The following BMP2K variants were observed in gnomAD, a reference collection of about 807,000 sequenced individuals.
BMP2K encodes BMP2 inducible kinase.
A neutral mutation model predicts 116.0 loss-of-function variants in BMP2K; 74 were observed. The ratio of observed to expected loss-of-function variants is 0.64; its 90% CI spans 0.53 to 0.77. BMP2K has a LOEUF of 0.77. Among genes scored for constraint, BMP2K ranks in the 30% least tolerant of loss-of-function variants. The pLI is 0.00. For synonymous variants in BMP2K, 486 were observed against 502.5 expected (o/e 0.97, Z 0.44); for missense variants, 1,365 against 1,403.6 (o/e 0.97, Z 0.44).
At chr4:78,830,520 T>A (rs1041277283) in intron 2 of BMP2K, among the ~76,000 whole-genome samples, 2 of 152,214 alleles carry the variant, frequency 1.3e-5, no homozygotes, top group Non-Finnish European at 2.9e-5. Flanking sequence ...AGCATCGACT[T>A]CTTCTCTTTA....
chr4:78,849,601 T>C (rs1041599866), intron 6 of BMP2K, among the ~76,000 whole-genome samples: 6 of 151,616 alleles, frequency 4.0e-5, no homozygotes, highest in African/African-American at 1.4e-4. Flanking sequence ...ATAGCATTTT[T>C]TTTTAAGTGT....
In BMP2K at chr4:78,913,046, G is replaced by A. The variant is rs1440770331; in HGVS notation, c.*1013G>A. On this transcript the variant is annotated 3_prime_UTR_variant, in exon 16 of 16. Coordinates refer to ENST00000502613, the MANE Select transcript of BMP2K (RefSeq NM_198892.2). ...ACTGAATTTTCAAGACATTTACAATGTGAAATCATGTTGCATTTAACAATG... is the reference window on the plus strand; with the variant it reads ...ACTGAATTTTCAAGACATTTACAATATGAAATCATGTTGCATTTAACAATG... The A allele has an allele frequency of 6.6e-6, 1 of 152,192 alleles. No homozygotes were observed. The highest frequency in any genetic ancestry group is 2.4e-5 in the African/African-American group (1 of 41,446). The allele number at this position is 152,192 out of a possible 1,614,324, so 9.4% of individuals were successfully genotyped here. A position where few individuals can be genotyped will look rare whatever the true frequency, so the allele number is the denominator to read the frequency against.
At chr4:78,825,030 T>A (rs1435247738) in intron 1 of BMP2K, among the ~76,000 whole-genome samples, 2 of 151,966 alleles carry the variant, frequency 1.3e-5, no homozygotes, top group African/African-American at 4.8e-5. Context: ...TAGTGAAGCC[T>A]CGTCTCTACT....
At chr4:78,865,346 G>A (rs933734491) in intron 9 of BMP2K, among the ~76,000 whole-genome samples, 1 of 152,070 alleles carries the variant, frequency 6.6e-6, no homozygotes. Context: ...GAATGGTTGT[G>A]TACTGTTTTA....
In BMP2K at chr4:78,818,040, T is replaced by C. The variant is rs1253924948; in HGVS notation, c.179-7997T>C. On this transcript the variant is annotated intron_variant, in intron 1 of 15. Coordinates refer to ENST00000502613, the MANE Select transcript of BMP2K (RefSeq NM_198892.2). ...GATGGGGGAGGCATTCATTTAGATC[T>C]TATTTTGAGTGGCTATATTGAATTG... Among the ~76,000 whole-genome samples the C allele has an allele frequency of 2.0e-5, 3 of 152,218 alleles. No homozygotes were observed. The South Asian group carries it at 6.2e-4, about 31-fold the overall frequency.
chr4:78,902,186 G>C (rs1319811740), intron 15 of BMP2K, among the ~76,000 whole-genome samples: 1 of 152,118 alleles, frequency 6.6e-6, no homozygotes, highest in Non-Finnish European at 1.5e-5. Flanking sequence ...GCTCAGAAAG[G>C]TTCACTGACT....
intron 15 of BMP2K, among the ~76,000 whole-genome samples, chr4:78,903,585 C>G (rs1734128958): frequency 6.6e-6 from 1 of 151,924 alleles, no homozygotes; most frequent in African/African-American, 2.4e-5. Flanking sequence ...GATGAGAAAA[C>G]TCAGGCTTAT....
intron 1 of BMP2K, among the ~76,000 whole-genome samples, chr4:78,823,287 G>T (rs1729707922): frequency 6.6e-6 from 1 of 151,752 alleles, no homozygotes; most frequent in African/African-American, 2.4e-5. Flanking sequence ...TTGCTCTGTG[G>T]GTGAGTAAGA....
At chr4:78,813,759 A>G (rs925542555) in intron 1 of BMP2K, among the ~76,000 whole-genome samples, 1 of 152,080 alleles carries the variant, frequency 6.6e-6, no homozygotes, top group Non-Finnish European at 1.5e-5. Flanking sequence ...TCCTTCTCCC[A>G]ACACAATTTT....
chr4:78,820,381 G>T (rs1036155530), intron 1 of BMP2K, among the ~76,000 whole-genome samples: 5 of 152,282 alleles, frequency 3.3e-5, no homozygotes, highest in Non-Finnish European at 7.4e-5. Flanking sequence ...TCATGATGAT[G>T]AGCCTTGATG....
chr4:78,825,182 C>A (rs559232107), intron 1 of BMP2K, among the ~76,000 whole-genome samples: 1 of 152,068 alleles, frequency 6.6e-6, no homozygotes, highest in Non-Finnish European at 1.5e-5. Flanking sequence ...CCAGCCTGGG[C>A]AACAAGAGTG....
intron 8 of BMP2K, chr4:78,859,991 AC>A: frequency 1.9e-6 from 1 of 540,452 alleles, no homozygotes; most frequent in Non-Finnish European, 3.5e-6. Context: ...TTTGGGCCTA[AC>A]AGTTTAATAA....
intron 15 of BMP2K, among the ~76,000 whole-genome samples, chr4:78,906,918 G>T (rs900713075): frequency 3.3e-5 from 5 of 152,102 alleles, no homozygotes; most frequent in African/African-American, 1.2e-4. Flanking sequence ...ACCTTGTCAG[G>T]ATTATTATTG....
At chr4:78,821,935 A>G (rs146637267) in intron 1 of BMP2K, among the ~76,000 whole-genome samples, 3 of 152,334 alleles carry the variant, frequency 2.0e-5, no homozygotes, top group African/African-American at 7.2e-5. Context: ...TGGAAATGAC[A>G]AAGCATGGAA....
chr4:78,890,639 T>C (rs961872304), intron 15 of BMP2K, among the ~76,000 whole-genome samples: 1 of 152,234 alleles, frequency 6.6e-6, no homozygotes, highest in South Asian at 2.1e-4. Flanking sequence ...ATGTACCCTA[T>C]CATTGATTAA....
chr4:78,887,110 T>G, intron 14 of BMP2K, 64 bp from the exon 15 acceptor site: 2 of 1,208,082 alleles, frequency 1.7e-6, no homozygotes, highest in Non-Finnish European at 1.2e-6. Context: ...GTATATCACT[T>G]TTTAATTTAA....
intron 14 of BMP2K, among the ~76,000 whole-genome samples, chr4:78,886,011 A>G (rs1026503536): frequency 2.0e-5 from 3 of 152,206 alleles, no homozygotes; most frequent in African/African-American, 7.2e-5. Context: ...TGAAGTTAAC[A>G]TTCTGTAAAG....
At chr4:78,841,091 A>C (rs1303626185) in intron 3 of BMP2K, among the ~76,000 whole-genome samples, 1 of 152,176 alleles carries the variant, frequency 6.6e-6, no homozygotes. Flanking sequence ...GAGTTTTCTG[A>C]AAGTTGGGGA....
Position 78,889,955 on chromosome 4 carries a change from C to T in BMP2K, c.2062+2671C>T, listed in dbSNP as rs17003482. Among the ~76,000 whole-genome samples, 362 of 152,278 alleles carry T rather than the reference C, an allele frequency of 2.4e-3. 5 individuals carry two copies. The highest frequency in any genetic ancestry group is 8.2e-3 in the African/African-American group (340 of 41,556). ...TCATTTAAGAACCACTGTCCTGAAT[C>T]TAGTGTTCCTTACACTGGTTTTATT... On this transcript the variant is annotated intron_variant, in intron 15 of 15. Coordinates refer to ENST00000502613, the MANE Select transcript of BMP2K (RefSeq NM_198892.2).
Sources: allele counts gnomAD v4.1 joint callset (sites outside exome capture counted in the v4.1 genomes callset), GRCh38; gene constraint gnomAD v4.1.1; transcripts MANE v1.5; gene names NCBI Gene and HGNC (gene_info 2026-07-23, HGNC 2026-07-21).